Variants in ARNT2 observed in about 807,000 individuals in gnomAD.
The protein encoded by ARNT2 is ARNT protein 2.
ARNT2 carries 36 observed loss-of-function variants against 91.7 expected under a neutral mutation model. The observed-to-expected ratio is 0.39, with a 90% CI of 0.30 to 0.52. The LOEUF (loss-of-function observed/expected upper bound fraction) is 0.52, where lower values mean the gene tolerates loss of function less well. Among genes scored for constraint, ARNT2 ranks in the 20% least tolerant of loss-of-function variants. The probability of loss-of-function intolerance (pLI) is 0.72; values close to 1 mark genes in which losing one functional copy is unlikely to be tolerated. For missense variants in ARNT2, 775 were observed against 939.3 expected (o/e 0.83, Z 2.29); for synonymous variants, 365 against 347.1 (o/e 1.05, Z -0.57).
chr15:80,537,533 G>C (rs1039059460), intron 8 of ARNT2, among the ~76,000 whole-genome samples: 2 of 152,320 alleles, frequency 1.3e-5, no homozygotes, highest in Middle Eastern at 3.4e-3. Context: ...TTGATTAACT[G>C]TTTAGGATCT....
chr15:80,551,130 G>T (rs1343746648), intron 8 of ARNT2, 69 bp from the exon 9 acceptor site: 2 of 1,474,424 alleles, frequency 1.4e-6, no homozygotes, highest in Admixed American at 3.4e-5. Flanking sequence ...AAATAAAATC[G>T]TGGACACTTT....
chr15:80,438,273 C>A (rs1479652575), intron 1 of ARNT2, among the ~76,000 whole-genome samples: 1 of 152,116 alleles, frequency 6.6e-6, no homozygotes, highest in Non-Finnish European at 1.5e-5. Flanking sequence ...TTGTTTGCAA[C>A]TGAGTTTGGT....
chr15:80,563,352 A>G, intron 12 of ARNT2, 113 bp downstream of exon 12: 1 of 1,375,782 alleles, frequency 7.3e-7, no homozygotes, highest in Non-Finnish European at 1.0e-6. Context: ...GCAGCTGGAA[A>G]TCCCTGTAGG....
At chr15:80,449,952 CTG>C (rs1195363160) in intron 1 of ARNT2, among the ~76,000 whole-genome samples, 2 of 152,214 alleles carry the variant, frequency 1.3e-5, no homozygotes, top group Non-Finnish European at 2.9e-5. Context: ...AAAGCTAACA[CTG>C]TGGAAGTCGT....
chr15:80,428,231 A>G (rs1895959725), intron 1 of ARNT2, among the ~76,000 whole-genome samples: 2 of 152,270 alleles, frequency 1.3e-5, no homozygotes, highest in South Asian at 4.1e-4. Flanking sequence ...GTCGATGCAC[A>G]GACCCAAAGG....
intron 5 of ARNT2, among the ~76,000 whole-genome samples, chr15:80,481,055 A>G (rs1896878677): frequency 1.3e-5 from 2 of 152,162 alleles, no homozygotes; most frequent in South Asian, 4.2e-4. Context: ...TAATTTGTAG[A>G]GAGCCTGAGC....
chr15:80,467,855 C>T (rs1275945302), intron 3 of ARNT2, among the ~76,000 whole-genome samples: 1 of 152,186 alleles, frequency 6.6e-6, no homozygotes, highest in Non-Finnish European at 1.5e-5. Flanking sequence ...GGTGAAGACC[C>T]AGTTCAGGGT....
intron 6 of ARNT2, among the ~76,000 whole-genome samples, 192 bp from the exon 7 acceptor site, chr15:80,513,719 C>CCCAA (rs1555411174): frequency 9.9e-5 from 3 of 30,442 alleles, no homozygotes; most frequent in African/African-American, 2.9e-4. Flanking sequence ...TTTCTTCAGT[C>CCCAA]ACAAAAAAAA....
chr15:80,429,653 G>C (rs1401078765), intron 1 of ARNT2, among the ~76,000 whole-genome samples: 1 of 152,228 alleles, frequency 6.6e-6, no homozygotes, highest in Non-Finnish European at 1.5e-5. Context: ...GAGAAGTGTA[G>C]GAGGCTCGGA....
At chr15:80,452,935 T>C (rs1222833464) in intron 2 of ARNT2, among the ~76,000 whole-genome samples, 1 of 152,198 alleles carries the variant, frequency 6.6e-6, no homozygotes, top group East Asian at 1.9e-4. Context: ...CCCAGTCCCA[T>C]TTCTTTTTAT....
intron 3 of ARNT2, among the ~76,000 whole-genome samples, chr15:80,464,501 G>A (rs766454037): frequency 1.3e-5 from 2 of 152,184 alleles, no homozygotes; most frequent in Non-Finnish European, 2.9e-5. Context: ...TGTGTTTTGG[G>A]TGAGTCTTGC....
chr15:80,501,024 T>A (rs535855335), intron 5 of ARNT2, among the ~76,000 whole-genome samples: 15 of 152,326 alleles, frequency 9.8e-5, no homozygotes, highest in African/African-American at 3.6e-4. Context: ...GTAGAAAAAC[T>A]GAGAATCAGT....
At chr15:80,573,919 C>T (rs761694350) in intron 12 of ARNT2, 51 of 537,494 alleles carry the variant, frequency 9.5e-5, no homozygotes, top group South Asian at 4.6e-4. Flanking sequence ...TGAAGTCACA[C>T]GTCAAAATTG....
At chr15:80,444,564 G>C (rs1346804970) in intron 1 of ARNT2, 1 of 152,998 alleles carries the variant, frequency 6.5e-6, no homozygotes, top group African/African-American at 2.4e-5. Context: ...GGTTTGTGTT[G>C]TGTGTGGTGT....
chr15:80,483,091 A>T (rs757065874), intron 5 of ARNT2, among the ~76,000 whole-genome samples: 10 of 152,206 alleles, frequency 6.6e-5, no homozygotes, highest in Non-Finnish European at 1.5e-4. Context: ...CTTGGAAGGT[A>T]AACCCTGGTA....
intron 18 of ARNT2, among the ~76,000 whole-genome samples, chr15:80,593,039 T>C (rs1893308573): frequency 6.6e-6 from 1 of 152,224 alleles, no homozygotes; most frequent in African/African-American, 2.4e-5. Context: ...GAACACATGT[T>C]GGGGAATTGG....
intron 3 of ARNT2, among the ~76,000 whole-genome samples, chr15:80,463,958 G>T (rs541914744): frequency 6.6e-6 from 1 of 152,108 alleles, no homozygotes; most frequent in Non-Finnish European, 1.5e-5. Flanking sequence ...TATGCTACCC[G>T]CTTCAGTTTT....
intron 8 of ARNT2, among the ~76,000 whole-genome samples, chr15:80,548,141 TCTTCATATG>T (rs151052551): frequency 0.012 from 1,882 of 152,310 alleles, 36 homozygotes; most frequent in African/African-American, 0.041. Flanking sequence ...GGCCATATTT[TCTTCATATG>T]CCTCAACTAA....
chr15:80,482,583 A>G (rs775576139), intron 5 of ARNT2, among the ~76,000 whole-genome samples: 2 of 152,188 alleles, frequency 1.3e-5, no homozygotes, highest in African/African-American at 2.4e-5. Flanking sequence ...CTAGAGACAA[A>G]AAAGCCTTGG....
Sources: allele counts gnomAD v4.1 joint callset (sites outside exome capture counted in the v4.1 genomes callset), GRCh38; gene constraint gnomAD v4.1.1; transcripts MANE v1.5; gene names NCBI Gene and HGNC (gene_info 2026-07-23, HGNC 2026-07-21).